The following CNTN4 variants were observed in gnomAD, a reference collection of about 807,000 sequenced individuals.
The protein encoded by CNTN4 is contactin-4.
A neutral mutation model predicts 122.5 loss-of-function variants in CNTN4; 77 were observed. The ratio of observed to expected loss-of-function variants is 0.63; its 90% CI spans 0.52 to 0.76. CNTN4 has a LOEUF of 0.76. CNTN4 is among the 30% of genes least tolerant of loss of function. The pLI is 0.00. For synonymous variants in CNTN4, 512 were observed against 447.0 expected, an observed-to-expected ratio of 1.15 and a Z score of -1.83; for missense variants, 1,256 against 1,259.1, an observed-to-expected ratio of 1.00 and a Z score of 0.04.
chr3:2,279,330 C>G (rs1050344575), intron 2 of CNTN4, among the ~76,000 whole-genome samples: 3 of 152,150 alleles, frequency 2.0e-5, no homozygotes, highest in Non-Finnish European at 4.4e-5. Flanking sequence ...AGTAGTCAGT[C>G]AGTTGTTATA....
chr3:2,923,523 AG>A (rs2094447230), intron 12 of CNTN4, among the ~76,000 whole-genome samples: 1 of 152,216 alleles, frequency 6.6e-6, no homozygotes, highest in Non-Finnish European at 1.5e-5. Context: ...CAGCTAGCCA[AG>A]GGAAAATACC....
chr3:2,644,598 A>C (rs570613304), intron 4 of CNTN4, among the ~76,000 whole-genome samples: 1 of 151,310 alleles, frequency 6.6e-6, no homozygotes, highest in African/African-American at 2.4e-5. Context: ...TCTAAACCTG[A>C]GAGCACAAGA....
intron 2 of CNTN4, chr3:2,238,946 C>G (rs527653136): frequency 8.3e-5 from 12 of 143,846 alleles, no homozygotes; most frequent in South Asian, 2.4e-4. Flanking sequence ...AGGATGGTCT[C>G]GATCTCCTGA....
chr3:2,585,944 G>C (rs1217339699), intron 4 of CNTN4, among the ~76,000 whole-genome samples: 1 of 150,780 alleles, frequency 6.6e-6, no homozygotes, highest in Admixed American at 6.6e-5. Flanking sequence ...CTAGAACCAT[G>C]TGACTTTTAT....
chr3:2,360,741 C>G (rs1559485337), intron 3 of CNTN4, among the ~76,000 whole-genome samples: 1 of 152,144 alleles, frequency 6.6e-6, no homozygotes, highest in African/African-American at 2.4e-5. Context: ...CGTGAGAACT[C>G]TCTCACTATC....
At chr3:2,669,938 T>C (rs563461302) in intron 4 of CNTN4, among the ~76,000 whole-genome samples, 1 of 152,382 alleles carries the variant, frequency 6.6e-6, no homozygotes, top group Non-Finnish European at 1.5e-5. Context: ...TCTAGTTTGA[T>C]TGCACTGTGG....
chr3:2,200,371 A>G (rs748834233), intron 2 of CNTN4, among the ~76,000 whole-genome samples: 3 of 152,192 alleles, frequency 2.0e-5, no homozygotes, highest in Non-Finnish European at 4.4e-5. Context: ...ATTACAGATA[A>G]ATCACTGGTT....
At chr3:2,738,685 G>A (rs2089282431) in intron 5 of CNTN4, among the ~76,000 whole-genome samples, 1 of 152,106 alleles carries the variant, frequency 6.6e-6, no homozygotes, top group African/African-American at 2.4e-5. Flanking sequence ...TTTAAAAGAT[G>A]TACTAGACAA....
rs567771593 is a variant in CNTN4 at position 2,359,633 on chromosome 3, G to A, written c.-89+20400G>A. ...AGGCTCACTGCAAGCCCCGCCTCCC[G>A]AATTCACGCCATTCTCCTGACTCAG... On this transcript the variant is annotated intron_variant, in intron 3 of 24. Coordinates refer to ENST00000418658, the MANE Select transcript of CNTN4 (RefSeq NM_175607.3). Among the ~76,000 whole-genome samples, 173 of 152,142 alleles carry A rather than the reference G, an allele frequency of 1.1e-3. 4 individuals are homozygous for A. The highest frequency in any genetic ancestry group is 4.0e-3 in the African/African-American group (167 of 41,492).
At chr3:2,515,132 A>C (rs554629438) in intron 3 of CNTN4, among the ~76,000 whole-genome samples, 14 of 152,286 alleles carry the variant, frequency 9.2e-5, no homozygotes, top group Middle Eastern at 3.4e-3. Context: ...AGTTCATTGA[A>C]GTATCAATGA....
intron 4 of CNTN4, among the ~76,000 whole-genome samples, chr3:2,691,684 C>G (rs2085748982): frequency 6.6e-6 from 1 of 152,120 alleles, no homozygotes; most frequent in African/African-American, 2.4e-5. Context: ...GCATAACTAT[C>G]AACAACAATA....
chr3:2,501,354 C>T (rs1235126767), intron 3 of CNTN4, among the ~76,000 whole-genome samples: 2 of 152,132 alleles, frequency 1.3e-5, no homozygotes, highest in African/African-American at 4.8e-5. Context: ...CCTCTGTATC[C>T]ATTTTCTATT....
At chr3:2,327,044 C>A (rs1384128970) in intron 2 of CNTN4, among the ~76,000 whole-genome samples, 2 of 152,052 alleles carry the variant, frequency 1.3e-5, no homozygotes, top group African/African-American at 4.8e-5. Context: ...GCATTGCCTA[C>A]CCTGGAGTTC....
At chr3:2,791,532 CAAAAA>C (rs11425573) in intron 6 of CNTN4, among the ~76,000 whole-genome samples, 1 of 143,038 alleles carries the variant, frequency 7.0e-6, no homozygotes, top group Non-Finnish European at 1.5e-5. Context: ...GATCCTGTCT[CAAAAA>C]AAAAAAAAGA....
intron 4 of CNTN4, among the ~76,000 whole-genome samples, chr3:2,623,887 A>G (rs988890024): frequency 2.0e-5 from 3 of 152,234 alleles, no homozygotes; most frequent in Non-Finnish European, 2.9e-5. Flanking sequence ...GGCCTCACAC[A>G]TAGAAAAAAA....
At chr3:2,101,156 A>AT (rs1306881267) in intron 2 of CNTN4, among the ~76,000 whole-genome samples, 2 of 152,168 alleles carry the variant, frequency 1.3e-5, no homozygotes, top group African/African-American at 2.4e-5. Flanking sequence ...ATGATGTTGG[A>AT]TTTTTTATCA....
intron 3 of CNTN4, among the ~76,000 whole-genome samples, chr3:2,548,860 G>A (rs370103497): frequency 3.9e-5 from 6 of 152,090 alleles, no homozygotes; most frequent in Admixed American, 1.3e-4. Flanking sequence ...TTTGAGCAGC[G>A]GTTTGTAGTT....
chr3:2,291,492 A>T (rs2042133352), intron 2 of CNTN4, among the ~76,000 whole-genome samples: 1 of 152,134 alleles, frequency 6.6e-6, no homozygotes, highest in Non-Finnish European at 1.5e-5. Flanking sequence ...TGTTAAAAGA[A>T]CTCAAAATAA....
chr3:2,612,093 A>G (rs2081517287), intron 4 of CNTN4, among the ~76,000 whole-genome samples: 1 of 112,354 alleles, frequency 8.9e-6, no homozygotes, highest in Admixed American at 1.1e-4. Context: ...AACCAGTTTT[A>G]TATATACATA....
Sources: allele counts gnomAD v4.1 joint callset (sites outside exome capture counted in the v4.1 genomes callset), GRCh38; gene constraint gnomAD v4.1.1; transcripts MANE v1.5; gene names NCBI Gene and HGNC (gene_info 2026-07-23, HGNC 2026-07-21).